Variants in PTPRD observed in about 807,000 individuals in gnomAD.
The protein encoded by PTPRD is protein tyrosine phosphatase receptor type D.
A neutral mutation model predicts 214.5 loss-of-function variants in PTPRD; 34 were observed. The ratio of observed to expected loss-of-function variants is 0.16; its 90% CI spans 0.12 to 0.21. PTPRD has a LOEUF of 0.21. Ranked by LOEUF, PTPRD falls within the 10% of genes least tolerant of loss-of-function variation. PTPRD has a pLI of 1.00. For synonymous variants in PTPRD, 1,128 were observed against 845.7 expected (o/e 1.33, Z -5.79); for missense variants, 2,545 against 2,398.7 (o/e 1.06, Z -1.27).
chr9:9,202,600 G>C (rs1311466841), intron 9 of PTPRD, among the ~76,000 whole-genome samples: 3 of 152,134 alleles, frequency 2.0e-5, no homozygotes, highest in Admixed American at 1.3e-4. Flanking sequence ...TTGGGGGATG[G>C]GGGGTGTAGT....
At chr9:9,204,134 G>C (rs1316285576) in intron 9 of PTPRD, among the ~76,000 whole-genome samples, 1 of 152,268 alleles carries the variant, frequency 6.6e-6, no homozygotes, top group East Asian at 1.9e-4. Flanking sequence ...AATTCATCAT[G>C]TGAATTCAAG....
intron 3 of PTPRD, among the ~76,000 whole-genome samples, chr9:10,329,832 AC>A (rs1374904107): frequency 2.6e-5 from 4 of 151,812 alleles, no homozygotes; most frequent in Non-Finnish European, 4.4e-5. Context: ...ACATGTTTCT[AC>A]CATTTAAAAT....
chr9:10,402,455 A>C (rs904115779), intron 2 of PTPRD, among the ~76,000 whole-genome samples: 1 of 151,772 alleles, frequency 6.6e-6, no homozygotes, highest in Non-Finnish European at 1.5e-5. Flanking sequence ...TAATTTTAAG[A>C]TGAGAAAATA....
rs535528432 is a variant in PTPRD at position 10,238,077 on chromosome 9, G to A, written c.-545+102886C>T. 5.9e-5 allele frequency among the ~76,000 whole-genome samples: 9 copies of A among 151,508 alleles called. No individual in the cohort carries two copies. The East Asian group carries it at 1.4e-3, about 23-fold the overall frequency. On this transcript the variant is annotated intron_variant, in intron 3 of 45. Coordinates refer to ENST00000381196, the MANE Select transcript of PTPRD (RefSeq NM_002839.4). Reference sequence around the variant, plus strand: ...TCTCTGATTCTCAAGTGAAAACAACGAAATAGAGCCATTTTGTATTACTTC... The same window carrying A: ...TCTCTGATTCTCAAGTGAAAACAACAAAATAGAGCCATTTTGTATTACTTC...
chr9:8,374,225 C>T (rs568244127), intron 39 of PTPRD, among the ~76,000 whole-genome samples: 1 of 150,604 alleles, frequency 6.6e-6, no homozygotes, highest in Non-Finnish European at 1.5e-5. Flanking sequence ...TTTCTCTATC[C>T]TTTGGCCAAA....
intron 3 of PTPRD, among the ~76,000 whole-genome samples, chr9:10,098,620 G>A (rs2098519279): frequency 6.6e-6 from 1 of 151,602 alleles, no homozygotes; most frequent in African/African-American, 2.4e-5. Flanking sequence ...CAGACTAGCA[G>A]AGTAAAAGAG....
intron 10 of PTPRD, among the ~76,000 whole-genome samples, chr9:9,115,837 T>G (rs1045288855): frequency 6.6e-6 from 1 of 152,116 alleles, no homozygotes; most frequent in Non-Finnish European, 1.5e-5. Flanking sequence ...TGTCCATCAA[T>G]AGTGGATTTG....
At chr9:10,435,178 C>G (rs2098709267) in intron 2 of PTPRD, among the ~76,000 whole-genome samples, 1 of 151,816 alleles carries the variant, frequency 6.6e-6, no homozygotes, top group Non-Finnish European at 1.5e-5. Flanking sequence ...TTCAAAAGTA[C>G]AATCTGTGGA....
intron 44 of PTPRD, among the ~76,000 whole-genome samples, chr9:8,330,050 G>A (rs183408433): frequency 3.2e-4 from 48 of 152,260 alleles, no homozygotes; most frequent in Admixed American, 5.9e-4. Flanking sequence ...TGAAGACTGC[G>A]GGAGAAGTGC....
At chr9:8,652,036 G>A (rs2096823000) in intron 12 of PTPRD, among the ~76,000 whole-genome samples, 2 of 152,154 alleles carry the variant, frequency 1.3e-5, no homozygotes, top group Admixed American at 1.3e-4. Context: ...CAGGAATATG[G>A]GAGGCTTTCC....
chr9:9,331,651 C>G (rs1191825891), intron 9 of PTPRD, among the ~76,000 whole-genome samples: 1 of 151,926 alleles, frequency 6.6e-6, no homozygotes, highest in Non-Finnish European at 1.5e-5. Context: ...CAGAGTGTAC[C>G]AATAACAACG....
At position 10,265,378 on chromosome 9, in the gene PTPRD, C is replaced by G. The variant is rs183804562; in HGVS notation, c.-545+75585G>C. On this transcript the variant is annotated intron_variant, in intron 3 of 45. Coordinates refer to ENST00000381196, the MANE Select transcript of PTPRD (RefSeq NM_002839.4). ...TAAAAATGAGGCCCTCTATGACAAA[C>G]AAACTTGGCCCACCCGCCAGCTGAC... Among the ~76,000 whole-genome samples, 10 of 152,254 alleles carry G rather than the reference C, an allele frequency of 6.6e-5. No individual in the cohort carries two copies. The East Asian group carries it at 1.9e-3, about 29-fold the overall frequency.
At chr9:9,457,851 A>G (rs935562190) in intron 8 of PTPRD, among the ~76,000 whole-genome samples, 7 of 152,036 alleles carry the variant, frequency 4.6e-5, no homozygotes, top group African/African-American at 1.7e-4. Flanking sequence ...TTTTTTCCCC[A>G]AAGGGCATAG....
At chr9:8,654,168 C>T (rs2096865944) in intron 12 of PTPRD, among the ~76,000 whole-genome samples, 1 of 152,200 alleles carries the variant, frequency 6.6e-6, no homozygotes, top group South Asian at 2.1e-4. Flanking sequence ...TAAGTTTTAG[C>T]ACCAAAACTA....
intron 3 of PTPRD, among the ~76,000 whole-genome samples, chr9:10,123,887 C>G (rs1053837845): frequency 2.6e-5 from 4 of 152,102 alleles, no homozygotes; most frequent in Non-Finnish European, 5.9e-5. Context: ...AAGTCCATGG[C>G]AAGTATCTGG....
At chr9:10,508,518 T>G (rs187415529) in intron 2 of PTPRD, among the ~76,000 whole-genome samples, 2 of 152,242 alleles carry the variant, frequency 1.3e-5, no homozygotes, top group East Asian at 1.9e-4. Context: ...GTGGCACTAT[T>G]CACAATAGCA....
At chr9:10,060,567 T>G (rs953291168) in intron 3 of PTPRD, among the ~76,000 whole-genome samples, 1 of 151,378 alleles carries the variant, frequency 6.6e-6, no homozygotes, top group African/African-American at 2.5e-5. Context: ...TCAAAGTATT[T>G]TTTTAATGTA....
chr9:10,403,770 T>C (rs551808717), intron 2 of PTPRD, among the ~76,000 whole-genome samples: 2 of 151,860 alleles, frequency 1.3e-5, no homozygotes, highest in Admixed American at 6.6e-5. Flanking sequence ...TATATGACTG[T>C]AACTATATGA....
chr9:8,407,335 C>G (rs947560722), intron 35 of PTPRD, among the ~76,000 whole-genome samples: 1 of 152,090 alleles, frequency 6.6e-6, no homozygotes, highest in Admixed American at 6.6e-5. Context: ...GGTGAGAAAA[C>G]TGAAGTAAAG....
Sources: gnomAD v4.1 joint callset for allele counts (sites outside exome capture counted in the v4.1 genomes callset) on GRCh38, gnomAD v4.1.1 for gene constraint, MANE v1.5 for transcripts, NCBI Gene and HGNC (gene_info 2026-07-23, HGNC 2026-07-21) for gene names.